The following TPP2 variants were observed in gnomAD, a reference collection of about 807,000 sequenced individuals.
TPP2 encodes the protein tripeptidyl peptidase 2, also known as tripeptidyl-peptidase 2.
In TPP2, 34 loss-of-function variants were observed where a neutral mutation model predicts 155.9. The ratio of observed to expected loss-of-function variants is 0.22; its 90% CI spans 0.17 to 0.29. The LOEUF (loss-of-function observed/expected upper bound fraction) is 0.29. Among genes scored for constraint, TPP2 ranks in the 10% least tolerant of loss-of-function variants. The probability of loss-of-function intolerance (pLI) is 1.00; values close to 1 mark genes in which losing one functional copy is unlikely to be tolerated. For synonymous variants in TPP2, 510 were observed against 529.4 expected, an observed-to-expected ratio of 0.96 and a Z score of 0.50; for missense variants, 1,028 against 1,522.3, an observed-to-expected ratio of 0.68 and a Z score of 5.40.
intron 11 of TPP2, among the ~76,000 whole-genome samples, chr13:102,634,600 C>T (rs1369090774): frequency 6.6e-6 from 1 of 152,114 alleles, no homozygotes; most frequent in Non-Finnish European, 1.5e-5. Flanking sequence ...CAGAAACGTC[C>T]CTCTTTAAGT....
At chr13:102,676,819 A>G (rs1182554279) in intron 29 of TPP2, among the ~76,000 whole-genome samples, 1 of 152,220 alleles carries the variant, frequency 6.6e-6, no homozygotes, top group Non-Finnish European at 1.5e-5. Flanking sequence ...GCATTTTTAA[A>G]ATTATCTTAC....
rs773509201 is a variant in TPP2, at chr13:102,627,867, A to G, written c.959A>G (p.His320Arg). Residue 320 changes from histidine (H) to arginine (R), a missense_variant, in exon 8 of 30, where the codon CAT becomes CGT. Around this residue, in one of 7 missense-constraint regions of TPP2, gnomAD observed 300 missense variants for 398.3 expected, o/e 0.75. Coordinates refer to ENST00000376052, the MANE Select transcript of TPP2 (RefSeq NM_001330588.2). ...TAATAGATGATAGAAGTTATAAATC[A>G]TAAGTGTGATCTTGTCAACTACAGT... ...LIRAMIEVIN[H>R]KCDLVNYSYG... 30 of 1,613,384 alleles carry G rather than the reference A, an allele frequency of 1.9e-5. No individual in the cohort carries two copies. The highest frequency in any genetic ancestry group is 3.3e-5 in the Admixed American group (2 of 59,852).
In TPP2 at chr13:102,636,253, G is replaced by C; in HGVS notation, c.1539G>C (p.Gln513His). 4 of 1,613,368 alleles carry C rather than the reference G, an allele frequency of 2.5e-6. No individual in the cohort carries two copies. The highest frequency in any genetic ancestry group is 3.4e-6 in the Non-Finnish European group (4 of 1,179,744). ...ATAAAGCCTATGACTACCTCGTTCA[G>C]AATACATCATTTGCTAATAAATTAG... ...QVDKAYDYLV[Q>H]NTSFANKLGF... Residue 513 changes from glutamine to histidine, a missense_variant, in exon 13 of 30, where the codon CAG becomes CAC. Around this residue, in one of 7 missense-constraint regions of TPP2, gnomAD observed 325 missense variants for 463.7 expected, o/e 0.70. Coordinates refer to ENST00000376052, the MANE Select transcript of TPP2 (RefSeq NM_001330588.2).
intron 23 of TPP2, among the ~76,000 whole-genome samples, chr13:102,650,105 A>G (rs1444790576): frequency 6.6e-6 from 1 of 152,078 alleles, no homozygotes; most frequent in African/African-American, 2.4e-5. Flanking sequence ...TATATGTTAC[A>G]GTTTTATAAG....
At chr13:102,630,535 T>G (rs1343475162) in intron 10 of TPP2, among the ~76,000 whole-genome samples, 1 of 152,160 alleles carries the variant, frequency 6.6e-6, no homozygotes, top group African/African-American at 2.4e-5. Flanking sequence ...TATTTGAACT[T>G]TGGTGAAATG....
chr13:102,654,555 C>A (rs907409678), intron 24 of TPP2, among the ~76,000 whole-genome samples: 1 of 152,032 alleles, frequency 6.6e-6, no homozygotes, highest in Non-Finnish European at 1.5e-5. Flanking sequence ...AAAACAATAG[C>A]AAATACCTCT....
intron 28 of TPP2, among the ~76,000 whole-genome samples, chr13:102,674,978 T>C (rs940047111): frequency 2.0e-5 from 3 of 152,250 alleles, no homozygotes; most frequent in Non-Finnish European, 4.4e-5. Flanking sequence ...AAAGCATCGT[T>C]GATGAACTTT....
chr13:102,637,000 T>G, intron 13 of TPP2, 82 bp from the exon 14 acceptor site: 15 of 1,446,062 alleles, frequency 1.0e-5, no homozygotes, highest in Non-Finnish European at 1.4e-5. Flanking sequence ...AGTCGCTAAA[T>G]TTTTTTGGAA....
intron 5 of TPP2, among the ~76,000 whole-genome samples, chr13:102,621,874 A>G (rs1490990255): frequency 6.6e-6 from 1 of 152,210 alleles, no homozygotes; most frequent in African/African-American, 2.4e-5. Context: ...TAGCATGTGG[A>G]AGATTTGGTG....
At chr13:102,638,672 T>C (rs550154810) in intron 15 of TPP2, among the ~76,000 whole-genome samples, 15 of 152,216 alleles carry the variant, frequency 9.9e-5, no homozygotes, top group Non-Finnish European at 2.1e-4. Flanking sequence ...CCTGCCCTTT[T>C]TGTCTCTGTC....
At position 102,629,366 on chromosome 13, in the gene TPP2, C is replaced by T; in HGVS notation, c.1017-116C>T. The T allele has an allele frequency of 1.6e-6, 2 of 1,229,878 alleles. 1 individual carries two copies. The highest frequency in any genetic ancestry group is 2.1e-6 in the Non-Finnish European group (2 of 944,524). The allele number at this position is 1,229,878 out of a possible 1,614,324, so 76.2% of individuals were successfully genotyped here. A position where few individuals can be genotyped will look rare whatever the true frequency, so the allele number is the denominator to read the frequency against. ...CTTAGAATGGCTGTATCATGTTCCA[C>T]CAAGGGTGGATGTACCAAAATTTAT... On this transcript the variant is annotated intron_variant, in intron 8 of 29. Coordinates refer to ENST00000376052, the MANE Select transcript of TPP2 (RefSeq NM_001330588.2).
intron 27 of TPP2, among the ~76,000 whole-genome samples, chr13:102,666,628 G>GCAAACTCGGC (rs1566371060): frequency 6.6e-6 from 1 of 151,860 alleles, no homozygotes; most frequent in East Asian, 1.9e-4. Flanking sequence ...TCAAACTCGG[G>GCAAACTCGGC]TGTTACATGA....
intron 2 of TPP2, among the ~76,000 whole-genome samples, chr13:102,610,463 C>T (rs991231915): frequency 1.3e-5 from 2 of 152,194 alleles, no homozygotes; most frequent in Non-Finnish European, 2.9e-5. Context: ...CTCCTGACAT[C>T]AGGTGATCCA....
In TPP2 at chr13:102,644,946, C is replaced by A. The variant is rs2139533244; in HGVS notation, c.2330C>A (p.Ser777Tyr). The stretch of plus-strand genomic sequence containing the variant: ...GGAATCAACCGCTTTGATGTTCAGT[C>A]CTCCTTGAAATACGAAGATCTGGCT... ...SEGINRFDVQ[S>Y]SLKYEDLAPC... is the part of the protein sequence containing the mutation. The change falls in exon 19 of 30, where the codon TCC becomes TAC. Residue 777 changes from serine to tyrosine, a missense_variant. Ser to Tyr is a moderately radical substitution (Grantham distance 144, BLOSUM62 -2). Around this residue, in one of 7 missense-constraint regions of TPP2, gnomAD observed 325 missense variants for 463.7 expected, o/e 0.70. Transcript: ENST00000376052. The A allele has an allele frequency of 1.9e-6, 3 of 1,614,036 alleles. No homozygotes were observed. The highest frequency in any genetic ancestry group is 4.5e-5 in the East Asian group (2 of 44,882).
chr13:102,665,306 A>C (rs1276786981), intron 27 of TPP2, among the ~76,000 whole-genome samples: 2 of 152,202 alleles, frequency 1.3e-5, no homozygotes, highest in Non-Finnish European at 2.9e-5. Flanking sequence ...AAAACCTAAT[A>C]TTTGGTTTGT....
chr13:102,676,664 C>G (rs889035673), intron 29 of TPP2, among the ~76,000 whole-genome samples: 5 of 152,160 alleles, frequency 3.3e-5, no homozygotes, highest in Admixed American at 2.6e-4. Context: ...TCAACAAGGG[C>G]AAATGCATTT....
Position 102,616,499 on chromosome 13 carries a change from A to G in TPP2, c.494A>G (p.Gln165Arg). ...GATGTTGCCAACAACGGCTCTTCTC[A>G]AGTTGGTGCTAGTCGATTTCATTTA... ...EFDVANNGSSQANKLIKEELQ... is the reference protein window; with the variant it reads ...EFDVANNGSSRANKLIKEELQ... The change falls in exon 4 of 30, where the codon CAA becomes CGA. Residue 165 changes from glutamine to arginine, a missense_variant and splice_region_variant. Gln to Arg is a conservative substitution (Grantham distance 43, BLOSUM62 1). Coordinates refer to ENST00000376052, the MANE Select transcript of TPP2 (RefSeq NM_001330588.2). The G allele has an allele frequency of 1.2e-6, 2 of 1,607,978 alleles. No individual in the cohort carries two copies. The highest frequency in any genetic ancestry group is 1.7e-6 in the Non-Finnish European group (2 of 1,176,792).
chr13:102,660,375 A>G (rs1884125375), intron 25 of TPP2, among the ~76,000 whole-genome samples: 1 of 152,182 alleles, frequency 6.6e-6, no homozygotes, highest in Admixed American at 6.5e-5. Flanking sequence ...AGTTTACAGG[A>G]AATTAAGAGA....
At chr13:102,629,651 C>G in intron 9 of TPP2, 42 bp downstream of exon 9, 6 of 1,539,266 alleles carry the variant, frequency 3.9e-6, no homozygotes, top group Non-Finnish European at 3.5e-6. Flanking sequence ...TAGAAACAAG[C>G]AAACAAAAAA....
Sources: allele counts gnomAD v4.1 joint callset (sites outside exome capture counted in the v4.1 genomes callset), GRCh38; gene constraint gnomAD v4.1.1; regional missense constraint gnomAD v4.1.1; transcripts MANE v1.5; gene names NCBI Gene and HGNC (gene_info 2026-07-23, HGNC 2026-07-21).